Variants in BIN2 observed in about 807,000 individuals in gnomAD.
The protein encoded by BIN2 is breast cancer associated protein BRAP1.
A neutral mutation model predicts 67.9 loss-of-function variants in BIN2; 43 were observed. The observed-to-expected ratio is 0.63, with a 90% confidence interval of 0.50 to 0.82. The LOEUF (loss-of-function observed/expected upper bound fraction) is 0.82. Ranked by LOEUF, BIN2 falls within the 40% of genes least tolerant of loss-of-function variation. BIN2 has a pLI of 0.00. For missense variants in BIN2, 581 were observed against 671.6 expected, an observed-to-expected ratio of 0.87 and a Z score of 1.49; for synonymous variants, 244 against 246.8, an observed-to-expected ratio of 0.99 and a Z score of 0.11.
At position 51,309,754 on chromosome 12, in the gene BIN2, G is replaced by A. The variant is rs188950738; in HGVS notation, c.162+4069C>T. Reference sequence around the variant, plus strand: ...TCCCCGCTTAAGTGATGTTTAAATGGTGGGCTTCCACAGGGAATTCTGAGG... The same window carrying A: ...TCCCCGCTTAAGTGATGTTTAAATGATGGGCTTCCACAGGGAATTCTGAGG... On this transcript the variant is annotated intron_variant, in intron 2 of 12. Coordinates refer to ENST00000615107, the MANE Select transcript of BIN2 (RefSeq NM_016293.4). 2.7e-3 allele frequency among the ~76,000 whole-genome samples: 404 copies of A among 152,232 alleles called. 2 individuals carry two copies. The highest frequency in any genetic ancestry group is 9.2e-3 in the African/African-American group (384 of 41,540).
In BIN2 at chr12:51,281,379, A is replaced by G; in HGVS notation, c.*120T>C. On this transcript the variant is annotated 3_prime_UTR_variant, in exon 13 of 13. Transcript: ENST00000615107. ...TAATGCCAGGTCTTTAGACAGCACC[A>G]GCATTCCTACTGAGAACCCAGGGAT... 6 of 1,102,582 alleles carry G rather than the reference A, an allele frequency of 5.4e-6. 1 individual carries two copies. The Admixed American group carries it at 1.1e-4, about 21-fold the overall frequency. The allele number at this position is 1,102,582 out of a possible 1,614,324, so 68.3% of individuals were successfully genotyped here. A position where few individuals can be genotyped will look rare whatever the true frequency, so the allele number is the denominator to read the frequency against.
At chr12:51,286,056 T>C (rs976048795) in intron 11 of BIN2, among the ~76,000 whole-genome samples, 1 of 152,180 alleles carries the variant, frequency 6.6e-6, no homozygotes, top group African/African-American at 2.4e-5. Context: ...CCCGGAAAGT[T>C]ATCAAAACCT....
intron 1 of BIN2, among the ~76,000 whole-genome samples, chr12:51,319,952 T>TCTCTCC (rs1565692616): frequency 1.3e-4 from 18 of 143,142 alleles, no homozygotes; most frequent in African/African-American, 4.5e-4. Context: ...GTAGGAAATC[T>TCTCTCC]TTCTCTTTCC....
chr12:51,286,286 T>C (rs1056775546), intron 11 of BIN2, among the ~76,000 whole-genome samples: 1 of 152,202 alleles, frequency 6.6e-6, no homozygotes, highest in African/African-American at 2.4e-5. Flanking sequence ...ACGAATAGGC[T>C]AGGATCTAAG....
At chr12:51,287,632 C>T (rs1945270353) in intron 11 of BIN2, among the ~76,000 whole-genome samples, 1 of 151,848 alleles carries the variant, frequency 6.6e-6, no homozygotes, top group South Asian at 2.1e-4. Flanking sequence ...TAAGCCACTG[C>T]ACCCGGCCTA....
chr12:51,305,353 C>T (rs1450862413), intron 2 of BIN2, among the ~76,000 whole-genome samples: 7 of 151,602 alleles, frequency 4.6e-5, no homozygotes, highest in Non-Finnish European at 8.8e-5. Context: ...AGGCTGGGCG[C>T]AGTGGCTCAC....
intron 2 of BIN2, among the ~76,000 whole-genome samples, chr12:51,310,921 G>A (rs1426572761): frequency 6.6e-6 from 1 of 151,882 alleles, no homozygotes; most frequent in Non-Finnish European, 1.5e-5. Flanking sequence ...ACCATGACCA[G>A]CTAATTTTTG....
chr12:51,286,425 A>G (rs1945238722), intron 11 of BIN2, among the ~76,000 whole-genome samples: 1 of 152,192 alleles, frequency 6.6e-6, no homozygotes, highest in Non-Finnish European at 1.5e-5. Flanking sequence ...ACTCAGGCGG[A>G]AGGAGAGTGT....
rs764978534 is a variant in BIN2 at position 51,295,888 on chromosome 12, A to G, written c.679-10T>C. 5.6e-6 allele frequency: 9 copies of G among 1,611,028 alleles called. No individual in the cohort carries two copies. The highest frequency in any genetic ancestry group is 2.7e-5 in the African/African-American group (2 of 74,780). On this transcript the variant is annotated splice_polypyrimidine_tract_variant and intron_variant, in intron 8 of 12. Coordinates refer to ENST00000615107, the MANE Select transcript of BIN2 (RefSeq NM_016293.4). ...AGAGATTGTGGTTCAGCTAGAGCCA[A>G]TAAGAAAGAAGGGGATGCTAGCCAA... is the stretch of plus-strand genomic sequence containing the variant.
intron 10 of BIN2, among the ~76,000 whole-genome samples, chr12:51,291,032 C>T (rs1945367556): frequency 1.3e-5 from 2 of 151,760 alleles, no homozygotes. Flanking sequence ...ACCTGTAATC[C>T]CAGCTACTCT....
In BIN2 at chr12:51,299,253, A is replaced by C. The variant is rs200686598; in HGVS notation, c.552T>G (p.Phe184Leu). 1 of 1,613,900 alleles carries C rather than the reference A, an allele frequency of 6.2e-7. No individual in the cohort carries two copies. ...CTAGTAGTTCTTGGTTCAGATCTTC[A>C]AACACAGTCTGGGCTTTGTTGAACT... Reference protein sequence around the residue: ...EEEFNKAQTVFEDLNQELLEE... With the variant: ...EEEFNKAQTVLEDLNQELLEE... Residue 184 changes from phenylalanine (F) to leucine (L), a missense_variant, in exon 7 of 13, where the codon TTT becomes TTG. By Grantham distance (22) the Phe-to-Leu change is conservative. Transcript: ENST00000615107.
chr12:51,317,617 A>C (rs1946167392), intron 1 of BIN2, among the ~76,000 whole-genome samples: 1 of 152,016 alleles, frequency 6.6e-6, no homozygotes, highest in Non-Finnish European at 1.5e-5. Context: ...AGATTGCGCC[A>C]TTGCACTCCA....
chr12:51,306,452 G>A (rs1242134381), intron 2 of BIN2, among the ~76,000 whole-genome samples: 5 of 152,048 alleles, frequency 3.3e-5, no homozygotes, highest in Non-Finnish European at 7.4e-5. Flanking sequence ...CATGGTGAAA[G>A]TCCGTCTCCA....
At chr12:51,287,207 C>T (rs1945258901) in intron 11 of BIN2, among the ~76,000 whole-genome samples, 3 of 152,032 alleles carry the variant, frequency 2.0e-5, no homozygotes, top group Non-Finnish European at 4.4e-5. Flanking sequence ...TGGCTATTCA[C>T]AGGTGTGATC....
intron 2 of BIN2, among the ~76,000 whole-genome samples, chr12:51,313,530 G>A (rs1373686317): frequency 1.3e-5 from 2 of 151,812 alleles, no homozygotes; most frequent in Non-Finnish European, 2.9e-5. Flanking sequence ...TAGTACAGAC[G>A]GGGTTTCATC....
chr12:51,313,220 A>AAGGAAGGCAGGCAGGC (rs1319737260), intron 2 of BIN2, among the ~76,000 whole-genome samples: 1 of 138,130 alleles, frequency 7.2e-6, no homozygotes, highest in African/African-American at 2.7e-5. Context: ...GGAAGGAAGG[A>AAGGAAGGCAGGCAGGC]AGGCAGGAAG....
chr12:51,319,980 TCC>T (rs1446557131), intron 1 of BIN2, among the ~76,000 whole-genome samples: 18 of 152,150 alleles, frequency 1.2e-4, no homozygotes, highest in Non-Finnish European at 2.5e-4. Context: ...CTTCCTTTTC[TCC>T]CTCTCTTTCT....
chr12:51,307,237 C>T lies in BIN2; in HGVS notation c.163-4096G>A, dbSNP rs577432157. Among the ~76,000 whole-genome samples the T allele has an allele frequency of 2.1e-5, 3 of 143,064 alleles. No individual in the cohort carries two copies. The Admixed American group carries it at 2.1e-4, about 10-fold the overall frequency. The allele number at this position is 143,064 out of a possible 152,430, so 93.9% of individuals were successfully genotyped here. On this transcript the variant is annotated intron_variant, in intron 2 of 12. Coordinates refer to ENST00000615107, the MANE Select transcript of BIN2 (RefSeq NM_016293.4). The stretch of plus-strand genomic sequence containing the variant: ...GGTGGAGGTTACAGTGAGCTGAGAT[C>T]GCGACACCGTACTCTAGCCTGGGCG...
chr12:51,289,208 C>T (rs1216484931), intron 10 of BIN2, among the ~76,000 whole-genome samples: 1 of 92,970 alleles, frequency 1.1e-5, no homozygotes, highest in Non-Finnish European at 2.4e-5. Context: ...TTGTATTGTT[C>T]CAAAATGTAT....
Sources: gnomAD v4.1 joint callset for allele counts (sites outside exome capture counted in the v4.1 genomes callset) on GRCh38, gnomAD v4.1.1 for gene constraint, MANE v1.5 for transcripts, NCBI Gene and HGNC (gene_info 2026-07-23, HGNC 2026-07-21) for gene names.